TRERF1: variants seen among roughly 807,000 people sequenced by gnomAD.
TRERF1 encodes transcriptional regulating factor 1.
TRERF1 carries 27 observed loss-of-function variants against 122.9 expected under a neutral mutation model. The ratio of observed to expected loss-of-function variants is 0.22; its 90% CI spans 0.16 to 0.30. The LOEUF is 0.30. Among genes scored for constraint, TRERF1 ranks in the 10% least tolerant of loss-of-function variants. The pLI is 1.00. For synonymous variants in TRERF1, 636 were observed against 641.7 expected (o/e 0.99, Z 0.13); for missense variants, 1,248 against 1,560.3 (o/e 0.80, Z 3.37).
Position 42,228,157 on chromosome 6 carries a change from C to A in TRERF1, c.*188G>T. The A allele has an allele frequency of 1.9e-6, 1 of 531,542 alleles. No individual in the cohort carries two copies. The highest frequency in any genetic ancestry group is 3.6e-5 in the South Asian group (1 of 27,802). 32.9% of individuals were successfully genotyped at this position (531,542 alleles called of 1,614,324 possible). ...TGCCAATTATTTATTCCCCCAACCC[C>A]CCACAAAAACAAATTTTTTTAAATA... On this transcript the variant is annotated 3_prime_UTR_variant, in exon 18 of 18. Coordinates refer to ENST00000372922, the Ensembl canonical transcript of TRERF1. This position sits in a 1 kb window ranked among gnomAD's most constrained non-coding sequence, Gnocchi z 4.2.
chr6:42,238,555 A>C (rs554687716), intron 15 of TRERF1, among the ~76,000 whole-genome samples: 6 of 152,200 alleles, frequency 3.9e-5, no homozygotes, highest in Non-Finnish European at 8.8e-5. Flanking sequence ...CAAAACACTT[A>C]CTATATTCCA....
intron 2 of TRERF1, among the ~76,000 whole-genome samples, chr6:42,369,615 A>G (rs974307989): frequency 1.2e-4 from 19 of 152,298 alleles, no homozygotes; most frequent in African/African-American, 4.1e-4. Context: ...TTAAACAAAC[A>G]AACAAAAGAG....
In TRERF1 at chr6:42,259,805, C is replaced by A; in HGVS notation, c.1885-82G>T. On this transcript the variant is annotated intron_variant, in intron 8 of 17. Coordinates refer to ENST00000372922, the Ensembl canonical transcript of TRERF1. The surrounding 1 kb of genome is among the most constrained non-coding windows in gnomAD (Gnocchi z 4.9). ...CCACAGGTTCAGGGAAGGGGGCCTT[C>A]TACTGTCTAAGCAGAGAGCCCTTCT... 3 of 1,575,850 alleles carry A rather than the reference C, an allele frequency of 1.9e-6. No individual in the cohort carries two copies. Among genetic ancestry groups the A allele is most frequent in the South Asian group, 1.1e-5 (1 of 87,584 alleles).
At chr6:42,341,759 G>A (rs1417770365) in intron 3 of TRERF1, among the ~76,000 whole-genome samples, 1 of 152,174 alleles carries the variant, frequency 6.6e-6, no homozygotes, top group Non-Finnish European at 1.5e-5. Flanking sequence ...AGTCCCAAAG[G>A]GCAAGTTACC....
At chr6:42,450,638 G>T (rs771744417) in intron 2 of TRERF1, among the ~76,000 whole-genome samples, 21 of 152,214 alleles carry the variant, frequency 1.4e-4, no homozygotes, top group Non-Finnish European at 2.6e-4. Context: ...TGAAGGAGTG[G>T]TTTGGTTGGT....
At chr6:42,386,214 A>G (rs1007394996) in intron 2 of TRERF1, among the ~76,000 whole-genome samples, 3 of 152,220 alleles carry the variant, frequency 2.0e-5, no homozygotes, top group Non-Finnish European at 4.4e-5. Context: ...CTGTATTTTT[A>G]GTAGAGACGG....
At chr6:42,371,843 T>C (rs1037726330) in intron 2 of TRERF1, among the ~76,000 whole-genome samples, 19 of 152,264 alleles carry the variant, frequency 1.2e-4, no homozygotes, top group African/African-American at 3.4e-4. Flanking sequence ...GTAGCAGCAC[T>C]GTTCTGTTTA....
At chr6:42,420,019 T>C (rs753927971) in intron 2 of TRERF1, among the ~76,000 whole-genome samples, 1 of 152,216 alleles carries the variant, frequency 6.6e-6, no homozygotes, top group Non-Finnish European at 1.5e-5. Context: ...AGAAGATTTG[T>C]CTTTTATTTG....
chr6:42,228,247 G>T lies in TRERF1; in HGVS notation c.*98C>A. 9.3e-7 allele frequency: 1 copy of T among 1,079,042 alleles called. No homozygotes were observed. The allele number at this position is 1,079,042 out of a possible 1,614,324, so 66.8% of individuals were successfully genotyped here. ...AAAATGACCACTTTTAAAACAGGTA[G>T]TTTAAAAGGGTTACAAAACAAGCAG... On this transcript the variant is annotated 3_prime_UTR_variant, in exon 18 of 18. Transcript: ENST00000372922. The surrounding 1 kb of genome is among the most constrained non-coding windows in gnomAD (Gnocchi z 4.2).
At chr6:42,397,405 TATTG>T (rs1302803491) in intron 2 of TRERF1, among the ~76,000 whole-genome samples, 1 of 152,246 alleles carries the variant, frequency 6.6e-6, no homozygotes, top group African/African-American at 2.4e-5. Flanking sequence ...CACTGATTAA[TATTG>T]ATTAAGATAT....
intron 2 of TRERF1, among the ~76,000 whole-genome samples, chr6:42,440,514 T>C (rs1173557162): frequency 6.6e-6 from 1 of 152,158 alleles, no homozygotes; most frequent in African/African-American, 2.4e-5. Context: ...TAGTAAGCTT[T>C]CTATAAATAG....
rs531759367 is a variant in TRERF1, at chr6:42,328,337, C to A, written c.-370-27588G>T. On this transcript the variant is annotated intron_variant, in intron 3 of 17. Transcript: ENST00000372922. ...TATCCCTAATTAAAAAACAAACAAA[C>A]AAACAAAAAAACAACTTTTATTTTA... Among the ~76,000 whole-genome samples the A allele has an allele frequency of 5.2e-4, 79 of 152,024 alleles. 1 individual carries two copies. The highest frequency in any genetic ancestry group is 1.8e-3 in the African/African-American group (75 of 41,406).
rs1404537072 is a variant in TRERF1 at position 42,262,771 on chromosome 6, C to T, written c.1884+549G>A. On this transcript the variant is annotated intron_variant, in intron 8 of 17. Transcript: ENST00000372922. ...TGGGAACTTTAACGAATTAGGTTCTCCAGGGTATTTAAGCAGACAAAAATA... is the reference window on the plus strand; with the variant it reads ...TGGGAACTTTAACGAATTAGGTTCTTCAGGGTATTTAAGCAGACAAAAATA... 3.3e-5 allele frequency among the ~76,000 whole-genome samples: 5 copies of T among 152,146 alleles called. No homozygotes were observed. The East Asian group carries it at 5.8e-4, about 18-fold the overall frequency.
At chr6:42,396,374 C>T (rs1022170091) in intron 2 of TRERF1, among the ~76,000 whole-genome samples, 43 of 152,064 alleles carry the variant, frequency 2.8e-4, no homozygotes, top group African/African-American at 9.4e-4. Flanking sequence ...CCAGAATGCC[C>T]CACCCTCCAA....
At chr6:42,289,653 A>G (rs1783957370) in intron 4 of TRERF1, among the ~76,000 whole-genome samples, 1 of 152,192 alleles carries the variant, frequency 6.6e-6, no homozygotes, top group Admixed American at 6.5e-5. Context: ...CCCTTCAAAG[A>G]GAAGGAAAGT....
chr6:42,234,631 G>A (rs1210838257), intron 16 of TRERF1, among the ~76,000 whole-genome samples: 2 of 152,082 alleles, frequency 1.3e-5, no homozygotes, highest in African/African-American at 2.4e-5. Flanking sequence ...GTGAGCCACC[G>A]CGCCTGGCCA....
Position 42,232,636 on chromosome 6 carries a change from T to C in TRERF1, c.3278+45A>G. On this transcript the variant is annotated intron_variant, in intron 17 of 17. Coordinates refer to ENST00000372922, the Ensembl canonical transcript of TRERF1. This position sits in a 1 kb window ranked among gnomAD's most constrained non-coding sequence, Gnocchi z 4.5. The stretch of plus-strand genomic sequence containing the variant: ...CCTGGCCCAGCTCCCATAGAGCGAC[T>C]ACCCATCATGAACTCAGATTCAGTC... The C allele has an allele frequency of 6.5e-7, 1 of 1,531,106 alleles. No individual in the cohort carries two copies. Among genetic ancestry groups the C allele is most frequent in the Non-Finnish European group, 8.8e-7 (1 of 1,133,282 alleles). 94.8% of individuals were successfully genotyped at this position (1,531,106 alleles called of 1,614,324 possible).
rs1767256018 is a variant in TRERF1, at chr6:42,341,299, C to G, written c.-371+21698G>C. Reference sequence around the variant, plus strand: ...ACAAATAACTGTAAGAAGTTTCTGGCCCAAACAAGATCCTCAGTACTGGCC... The same window carrying G: ...ACAAATAACTGTAAGAAGTTTCTGGGCCAAACAAGATCCTCAGTACTGGCC... On this transcript the variant is annotated intron_variant, in intron 3 of 17. Coordinates refer to ENST00000372922, the Ensembl canonical transcript of TRERF1. 2.0e-5 allele frequency among the ~76,000 whole-genome samples: 3 copies of G among 152,326 alleles called. No homozygotes were observed. The South Asian group carries it at 6.2e-4, about 32-fold the overall frequency.
At chr6:42,251,234 G>A (rs1183417027) in intron 13 of TRERF1, among the ~76,000 whole-genome samples, 4 of 151,924 alleles carry the variant, frequency 2.6e-5, no homozygotes, top group South Asian at 2.1e-4. Context: ...GAGCTTAAGC[G>A]ATCTGCCCGC....
Sources: allele counts gnomAD v4.1 joint callset (sites outside exome capture counted in the v4.1 genomes callset), GRCh38; gene constraint gnomAD v4.1.1; non-coding constraint Gnocchi (gnomAD v3.1); transcripts MANE v1.5; gene names NCBI Gene and HGNC (gene_info 2026-07-23, HGNC 2026-07-21).